ZNF599: variants seen among roughly 807,000 people sequenced by gnomAD.
ZNF599 encodes zinc finger protein 599.
ZNF599 carries 10 observed loss-of-function variants against 11.7 expected under a neutral mutation model. The observed-to-expected ratio is 0.86, with a 90% CI of 0.53 to 1.45. The LOEUF is 1.45. Ranked by LOEUF, ZNF599 falls within the 40% of genes most tolerant of loss-of-function variation. The pLI, the probability that ZNF599 is intolerant of heterozygous loss-of-function variation, is 0.00. For missense variants in ZNF599, 688 were observed against 713.6 expected (o/e 0.96, Z 0.41); for synonymous variants, 232 against 253.2 (o/e 0.92, Z 0.79).
chr19:34,800,596 T>TG, the ZNF599 span, among the ~76,000 whole-genome samples: 25 of 147,448 alleles, frequency 1.7e-4, no homozygotes, highest in East Asian at 4.3e-3. Flanking sequence ...GTTTTTTTTT[T>TG]TTTTTTTTTC....
the ZNF599 span, among the ~76,000 whole-genome samples, chr19:34,788,072 G>A: frequency 6.6e-6 from 1 of 152,108 alleles, no homozygotes; most frequent in Non-Finnish European, 1.5e-5. Context: ...CATTGTATTG[G>A]GTATTGTAAG....
upstream of ZNF599, among the ~76,000 whole-genome samples, chr19:34,777,736 A>G (rs987636274): frequency 6.6e-6 from 1 of 150,782 alleles, no homozygotes; most frequent in African/African-American, 2.4e-5. Flanking sequence ...AAGAACAAAT[A>G]TTGTATGATC....
At chr19:34,794,936 A>C in the ZNF599 span, among the ~76,000 whole-genome samples, 1 of 152,106 alleles carries the variant, frequency 6.6e-6, no homozygotes, top group South Asian at 2.1e-4. Context: ...CTTCTTGCTG[A>C]TCTTATGGGC....
chr19:34,777,597 G>T (rs2069228101), upstream of ZNF599, among the ~76,000 whole-genome samples: 1 of 127,124 alleles, frequency 7.9e-6, no homozygotes. Flanking sequence ...CATATATATA[G>T]GATATATATA....
chr19:34,799,547 T>C, the ZNF599 span, among the ~76,000 whole-genome samples: 1 of 152,244 alleles, frequency 6.6e-6, no homozygotes, highest in Non-Finnish European at 1.5e-5. Context: ...TGAAAGTTTT[T>C]GTGTGAACTT....
At chr19:34,798,393 A>G in the ZNF599 span, among the ~76,000 whole-genome samples, 1 of 152,204 alleles carries the variant, frequency 6.6e-6, no homozygotes, top group Non-Finnish European at 1.5e-5. Context: ...TTAAACATGT[A>G]TTCTTACTGA....
At chr19:34,802,282 A>C in the ZNF599 span, among the ~76,000 whole-genome samples, 1 of 152,228 alleles carries the variant, frequency 6.6e-6, no homozygotes, top group Non-Finnish European at 1.5e-5. Context: ...AAAAAGTCAC[A>C]GCATGGGAGA....
chr19:34,770,194 T>C (rs143904188), intron 1 of ZNF599, among the ~76,000 whole-genome samples: 36 of 152,380 alleles, frequency 2.4e-4, no homozygotes, highest in African/African-American at 8.7e-4. Flanking sequence ...TAGCCCATGA[T>C]GTAAATGTCA....
upstream of ZNF599, among the ~76,000 whole-genome samples, chr19:34,777,145 G>T (rs543825924): frequency 6.7e-6 from 1 of 149,524 alleles, no homozygotes; most frequent in South Asian, 2.1e-4. Flanking sequence ...AAGCCCAAGG[G>T]TGAGGTGAAG....
chr19:34,799,960 T>C, the ZNF599 span, among the ~76,000 whole-genome samples: 1 of 152,276 alleles, frequency 6.6e-6, no homozygotes, highest in African/African-American at 2.4e-5. Flanking sequence ...TTGTCAGTTT[T>C]TAAGATTTTA....
the ZNF599 span, among the ~76,000 whole-genome samples, chr19:34,796,085 T>G: frequency 6.6e-6 from 1 of 152,194 alleles, no homozygotes; most frequent in East Asian, 1.9e-4. Context: ...CCTCCCAAAG[T>G]GCTGGTTTTA....
intron 2 of ZNF599, 95 bp downstream of exon 2, chr19:34,769,334 G>A: frequency 6.4e-7 from 1 of 1,563,098 alleles, no homozygotes; most frequent in Non-Finnish European, 8.8e-7. Flanking sequence ...GATCAGGGAA[G>A]GTTGGGTTCT....
intron 3 of ZNF599, chr19:34,763,938 C>G (rs1265473130): frequency 6.6e-6 from 1 of 151,988 alleles, no homozygotes; most frequent in African/African-American, 2.4e-5. Context: ...AAAATTCAGC[C>G]AGGTGTGGTG....
rs534708915 is a variant in ZNF599, at chr19:34,767,169, G to C, written c.241+147C>G. ...GAATAAAGGCAAAGAGTGTGTGACA[G>C]AAGTGGGAAGACGGGGGACCATGGG... On this transcript the variant is annotated intron_variant, in intron 3 of 3. Coordinates refer to ENST00000329285, the MANE Select transcript of ZNF599 (RefSeq NM_001007248.3). The C allele has an allele frequency of 4.0e-4, 246 of 615,046 alleles. 5 individuals carry two copies. The South Asian group carries it at 4.5e-3, about 11-fold the overall frequency. 38.1% of individuals were successfully genotyped at this position (615,046 alleles called of 1,614,324 possible).
the ZNF599 span, among the ~76,000 whole-genome samples, chr19:34,801,023 T>A: frequency 6.6e-6 from 1 of 152,226 alleles, no homozygotes; most frequent in African/African-American, 2.4e-5. Context: ...ACCCAATGTG[T>A]TTTTACTACT....
intron 3 of ZNF599, among the ~76,000 whole-genome samples, chr19:34,766,253 C>G (rs1865546881): frequency 6.6e-6 from 1 of 152,148 alleles, no homozygotes; most frequent in Non-Finnish European, 1.5e-5. Flanking sequence ...CCAGCTTCCT[C>G]TGGCAGCCCA....
chr19:34,762,781 C>T (rs1030200300), intron 3 of ZNF599: 3 of 152,026 alleles, frequency 2.0e-5, no homozygotes, highest in Admixed American at 6.5e-5. Flanking sequence ...AAGCAAAATA[C>T]ACACACACAA....
intron 2 of ZNF599, 73 bp from the exon 3 acceptor site, chr19:34,767,484 T>C: frequency 1.7e-6 from 2 of 1,170,398 alleles, no homozygotes; most frequent in South Asian, 1.3e-5. Context: ...TGTAAAGGAG[T>C]ACATATATTT....
chr19:34,785,381 CT>C, the ZNF599 span, among the ~76,000 whole-genome samples: 3 of 152,182 alleles, frequency 2.0e-5, no homozygotes, highest in African/African-American at 7.2e-5. Context: ...GCCTGCTCTC[CT>C]CTCTGCAGCC....
Sources: allele counts gnomAD v4.1 joint callset (sites outside exome capture counted in the v4.1 genomes callset), GRCh38; gene constraint gnomAD v4.1.1; transcripts MANE v1.5; gene names NCBI Gene and HGNC (gene_info 2026-07-23, HGNC 2026-07-21).